TYSND1: variants seen among roughly 807,000 people sequenced by gnomAD.
TYSND1 encodes the protein trypsin like peroxisomal matrix peptidase 1.
In TYSND1, 30 loss-of-function variants were observed where a neutral mutation model predicts 37.2. The observed-to-expected ratio is 0.81, with a 90% confidence interval of 0.60 to 1.09. The LOEUF (loss-of-function observed/expected upper bound fraction) is 1.09. Ranked by LOEUF, TYSND1 falls within the 50% of genes least tolerant of loss-of-function variation. The pLI, the probability that TYSND1 is intolerant of heterozygous loss-of-function variation, is 0.00. For missense variants in TYSND1, 806 were observed against 817.4 expected (o/e 0.99, Z 0.17); for synonymous variants, 364 against 383.8 (o/e 0.95, Z 0.60).
rs769129111 is a variant in TYSND1, at chr10:70,142,768, C to T, written c.1383G>A (p.Val461=). 6.2e-7 allele frequency: 1 copy of T among 1,614,164 alleles called. No individual in the cohort carries two copies. Among genetic ancestry groups the T allele is most frequent in the South Asian group, 1.1e-5 (1 of 91,084 alleles). ...SVTSGILSAV[V]QVNGTPVMLQ... is the part of the protein sequence containing the mutation. The stretch of plus-strand genomic sequence containing the variant: ...GCATTACGGGCGTGCCATTCACCTG[C>T]ACCACAGCCGAAAGGATGCCTGAGG... Residue 461 remains valine, a synonymous_variant, in exon 3 of 4, where the codon GTG becomes GTA. Coordinates refer to ENST00000287078, the MANE Select transcript of TYSND1 (RefSeq NM_173555.4).
At chr10:70,142,538 C>T (rs2072796339) in intron 3 of TYSND1, 130 bp downstream of exon 3, 4 of 853,024 alleles carry the variant, frequency 4.7e-6, no homozygotes, top group Non-Finnish European at 5.4e-6. Context: ...TGCAAACCTT[C>T]GCTAGCTCAC....
At chr10:70,145,048 G>A (rs2072858334) in intron 1 of TYSND1, among the ~76,000 whole-genome samples, 1 of 152,220 alleles carries the variant, frequency 6.6e-6, no homozygotes, top group African/African-American at 2.4e-5. Context: ...CAGAGGAGAA[G>A]CAGCAGGGTT....
rs534800036 is a variant in TYSND1, at chr10:70,142,305, G to A, written c.1483+363C>T. On this transcript the variant is annotated intron_variant, in intron 3 of 3. Coordinates refer to ENST00000287078, the MANE Select transcript of TYSND1 (RefSeq NM_173555.4). ...AGTCTGCAGCAGCTGAGTCGAGTGC[G>A]CTTCAGTTTAGACCCCTCCCCTCCC... Among the ~76,000 whole-genome samples the A allele has an allele frequency of 2.1e-3, 325 of 152,232 alleles. 2 individuals are homozygous for A. The highest frequency in any genetic ancestry group is 7.2e-3 in the African/African-American group (300 of 41,530).
rs886825883 is a variant in TYSND1 at position 70,138,442 on chromosome 10, G to C, written c.*1482C>G. 1.3e-5 allele frequency: 2 copies of C among 152,238 alleles called. No individual in the cohort carries two copies. Among genetic ancestry groups the C allele is most frequent in the Admixed American group, 6.5e-5 (1 of 15,284 alleles). 9.4% of individuals were successfully genotyped at this position (152,238 alleles called of 1,614,324 possible). A position where few individuals can be genotyped will look rare whatever the true frequency, so the allele number is the denominator to read the frequency against. On this transcript the variant is annotated 3_prime_UTR_variant, in exon 4 of 4. Transcript: ENST00000287078. ...CTCAGCACACAGGTGTTAGAAACAA[G>C]TTACTCCTAAGCACTCTTCCTGCGT...
rs1564565010 is a variant in TYSND1 at position 70,145,829 on chromosome 10, G to GT, written c.757dup (p.Thr253AsnfsTer156). 2 of 1,532,982 alleles carry GT rather than the reference G, an allele frequency of 1.3e-6. No individual in the cohort carries two copies. 95.0% of individuals were successfully genotyped at this position (1,532,982 alleles called of 1,614,324 possible). ...GGTGCCGGGCAGGCAGCGTGCGTCG[G>GT]TAAGCAGCAGTGGGCCGGCCACGTT... On this transcript the variant is annotated frameshift_variant, in exon 1 of 4. Coordinates refer to ENST00000287078, the MANE Select transcript of TYSND1 (RefSeq NM_173555.4). LOFTEE classifies it high-confidence loss of function.
intron 1 of TYSND1, 47 bp downstream of exon 1, chr10:70,145,373 AT>A: frequency 7.4e-7 from 1 of 1,352,578 alleles, no homozygotes; most frequent in South Asian, 1.8e-5. Context: ...CTGGACCCAG[AT>A]CTGAGACCTG....
rs556056394 is a variant in TYSND1, at chr10:70,145,959, G to A, written c.628C>T (p.Leu210Phe). The A allele has an allele frequency of 1.7e-5, 27 of 1,559,126 alleles. 1 individual carries two copies. The East Asian group carries it at 5.8e-4, about 34-fold the overall frequency. Reference protein sequence around the residue: ...ERGPAMAVSPLGAVPKGAPLL... With the variant: ...ERGPAMAVSPFGAVPKGAPLL... ...GGCGCACCCTTGGGCACGGCCCCGA[G>A]AGGCGACACCGCCATGGCTGGCCCG... The change falls in exon 1 of 4, where the codon CTC becomes TTC. Residue 210 changes from leucine (L) to phenylalanine (F), a missense_variant. Leu to Phe is a conservative substitution (Grantham distance 22). Transcript: ENST00000287078.
At chr10:70,141,184 T>C (rs2072766412) in intron 3 of TYSND1, among the ~76,000 whole-genome samples, 1 of 149,852 alleles carries the variant, frequency 6.7e-6, no homozygotes, top group South Asian at 2.1e-4. Flanking sequence ...CAAGCAATCC[T>C]CCCGCCCTGG....
Position 70,138,040 on chromosome 10 carries a change from T to C in TYSND1, c.*1884A>G, listed in dbSNP as rs1026597756. The C allele has an allele frequency of 2.0e-5, 3 of 152,204 alleles. No individual in the cohort carries two copies. Among genetic ancestry groups the C allele is most frequent in the South Asian group, 2.1e-4 (1 of 4,836 alleles). 9.4% of individuals were successfully genotyped at this position (152,204 alleles called of 1,614,324 possible). ...AAGGATACAGATGAAGAGATGCACA[T>C]AGAGCAAGGAATGAGGGAAGGGGAA... On this transcript the variant is annotated 3_prime_UTR_variant, in exon 4 of 4. Coordinates refer to ENST00000287078, the MANE Select transcript of TYSND1 (RefSeq NM_173555.4).
chr10:70,141,720 C>CT (rs11383709), intron 3 of TYSND1, among the ~76,000 whole-genome samples: 50,254 of 150,348 alleles, frequency 0.33, 8,834 homozygotes, highest in Non-Finnish European at 0.37. Context: ...ATTTTCCTTT[C>CT]TTTTTTTTTA....
At chr10:70,145,008 C>A (rs571164265) in intron 1 of TYSND1, among the ~76,000 whole-genome samples, 15 of 152,266 alleles carry the variant, frequency 9.9e-5, no homozygotes, top group Non-Finnish European at 2.2e-4. Flanking sequence ...AGGAGAGCAC[C>A]ATCCTGGGCC....
chr10:70,144,142 G>A, intron 1 of TYSND1, 170 bp from the exon 2 acceptor site: 2 of 783,778 alleles, frequency 2.6e-6, no homozygotes, highest in Non-Finnish European at 2.0e-6. Context: ...TATCTCCAAA[G>A]GTGGTTGACA....
At position 70,140,097 on chromosome 10, in the gene TYSND1, A is replaced by G. The variant is rs756329369; in HGVS notation, c.1528T>C (p.Tyr510His). The change falls in exon 4 of 4, where the codon TAC (tyrosine) becomes CAC (histidine). Residue 510 changes from tyrosine to histidine, a missense_variant. Around this residue, in one of 3 missense-constraint regions of TYSND1, gnomAD observed 708 missense variants for 705.4 expected, o/e 1.00. Coordinates refer to ENST00000287078, the MANE Select transcript of TYSND1 (RefSeq NM_173555.4). ...NTRDNNTGAT[Y>H]PHLNFSIPIT... is the part of the protein sequence containing the mutation. ...GGAATGCTGAAGTTCAGGTGGGGGT[A>G]GGTGGCCCCCGTATTATTGTCCCGG... The G allele has an allele frequency of 1.9e-6, 3 of 1,613,750 alleles. No individual in the cohort carries two copies. The highest frequency in any genetic ancestry group is 2.5e-6 in the Non-Finnish European group (3 of 1,179,694).
Position 70,137,983 on chromosome 10 carries a change from A to C in TYSND1, c.*1941T>G, listed in dbSNP as rs2072693855. 6.6e-6 allele frequency: 1 copy of C among 152,164 alleles called. No homozygotes were observed. Among genetic ancestry groups the C allele is most frequent in the African/African-American group, 2.4e-5 (1 of 41,422 alleles). 9.4% of individuals were successfully genotyped at this position (152,164 alleles called of 1,614,324 possible). A position where few individuals can be genotyped will look rare whatever the true frequency, so the allele number is the denominator to read the frequency against. On this transcript the variant is annotated 3_prime_UTR_variant, in exon 4 of 4. Transcript: ENST00000287078. ...ACAGAGCTCAGAGACACACTTACTT[A>C]TGTTTACCGGTTTATTATAAAGGAT...
rs755291941 is a variant in TYSND1 at position 70,138,548 on chromosome 10, T to C, written c.*1376A>G. On this transcript the variant is annotated 3_prime_UTR_variant, in exon 4 of 4. Transcript: ENST00000287078. Reference sequence around the variant, plus strand: ...TCGAGGGCCCACACATGCAAGGCCCTGGGCACACGGCACAGTCCTGACTCA... The same window carrying C: ...TCGAGGGCCCACACATGCAAGGCCCCGGGCACACGGCACAGTCCTGACTCA... 2 of 152,374 alleles carry C rather than the reference T, an allele frequency of 1.3e-5. No individual in the cohort carries two copies. The highest frequency in any genetic ancestry group is 2.9e-5 in the Non-Finnish European group (2 of 68,170). The allele number at this position is 152,374 out of a possible 1,614,324, so 9.4% of individuals were successfully genotyped here. A position where few individuals can be genotyped will look rare whatever the true frequency, so the allele number is the denominator to read the frequency against.
intron 2 of TYSND1, 34 bp from the exon 3 acceptor site, chr10:70,142,887 C>T (rs1476382564): frequency 6.2e-7 from 1 of 1,606,900 alleles, no homozygotes. Context: ...AAGCTGGGGA[C>T]ACCTGTGTTA....
intron 2 of TYSND1, among the ~76,000 whole-genome samples, chr10:70,143,157 T>C (rs1043691234): frequency 1.3e-5 from 2 of 152,148 alleles, no homozygotes; most frequent in Non-Finnish European, 2.9e-5. Flanking sequence ...CCTACCTACA[T>C]GCTCAATAAA....
chr10:70,145,366 G>A, intron 1 of TYSND1, 55 bp downstream of exon 1: 1 of 1,337,730 alleles, frequency 7.5e-7, no homozygotes, highest in African/African-American at 1.5e-5. Flanking sequence ...ATTAGGGCTG[G>A]ACCCAGATCT....
chr10:70,143,756 T>C, intron 2 of TYSND1, 86 bp downstream of exon 2: 3 of 1,531,998 alleles, frequency 2.0e-6, no homozygotes, highest in Non-Finnish European at 2.7e-6. Context: ...CCTGACTTCA[T>C]GAGAATGCCC....
Sources: gnomAD v4.1 joint callset for allele counts (sites outside exome capture counted in the v4.1 genomes callset) on GRCh38, gnomAD v4.1.1 for gene constraint, gnomAD v4.1.1 regional missense constraint, MANE v1.5 for transcripts, NCBI Gene and HGNC (gene_info 2026-07-23, HGNC 2026-07-21) for gene names.